KATNIP: variants seen among roughly 807,000 people sequenced by gnomAD.
KATNIP encodes the protein katanin interacting protein, also known as katanin-interacting protein.
KATNIP carries 126 observed loss-of-function variants against 174.0 expected under a neutral mutation model. The ratio of observed to expected loss-of-function variants is 0.72; its 90% CI spans 0.63 to 0.84. KATNIP has a LOEUF of 0.84. Among genes scored for constraint, KATNIP ranks in the 40% least tolerant of loss-of-function variants. The pLI, the probability that KATNIP is intolerant of heterozygous loss-of-function variation, is 0.00. For synonymous variants in KATNIP, 810 were observed against 835.7 expected (o/e 0.97, Z 0.53); for missense variants, 1,958 against 2,109.7 (o/e 0.93, Z 1.41).
chr16:27,653,885 G>T (rs1478782033), intron 6 of KATNIP, among the ~76,000 whole-genome samples: 1 of 151,972 alleles, frequency 6.6e-6, no homozygotes, highest in Non-Finnish European at 1.5e-5. Flanking sequence ...GCCCTGGCTG[G>T]TCTTGAACTC....
chr16:27,730,936 C>T (rs2080653297), intron 14 of KATNIP, among the ~76,000 whole-genome samples: 1 of 152,214 alleles, frequency 6.6e-6, no homozygotes, highest in East Asian at 1.9e-4. Flanking sequence ...CTTTCATCCA[C>T]TGGCTGGAGC....
intron 2 of KATNIP, among the ~76,000 whole-genome samples, chr16:27,592,477 A>G (rs1397199330): frequency 6.6e-6 from 1 of 151,540 alleles, no homozygotes; most frequent in Non-Finnish European, 1.5e-5. Flanking sequence ...AATTAGCTGG[A>G]TGTGGTGGTA....
At chr16:27,586,317 G>A (rs933897307) in intron 2 of KATNIP, among the ~76,000 whole-genome samples, 2 of 151,884 alleles carry the variant, frequency 1.3e-5, no homozygotes, top group African/African-American at 2.4e-5. Flanking sequence ...TTAAAAAGAA[G>A]CTACTGAAGG....
At chr16:27,759,566 G>A (rs1371561773) in intron 18 of KATNIP, among the ~76,000 whole-genome samples, 6 of 152,188 alleles carry the variant, frequency 3.9e-5, no homozygotes, top group Admixed American at 2.0e-4. Context: ...GGGCCTGCTC[G>A]AGTTCCTGAT....
intron 12 of KATNIP, 131 bp downstream of exon 12, chr16:27,704,129 C>T (rs367554377): frequency 4.2e-5 from 29 of 686,798 alleles, no homozygotes; most frequent in African/African-American, 2.0e-4. Context: ...ACCGCCCCCC[C>T]CCTCCCTGGC....
At chr16:27,692,292 A>G (rs2078761201) in intron 8 of KATNIP, among the ~76,000 whole-genome samples, 1 of 152,180 alleles carries the variant, frequency 6.6e-6, no homozygotes, top group South Asian at 2.1e-4. Flanking sequence ...TGATTTTTTC[A>G]ACTGTGCTTT....
intron 6 of KATNIP, among the ~76,000 whole-genome samples, chr16:27,655,921 G>A (rs1597077689): frequency 6.6e-6 from 1 of 152,126 alleles, no homozygotes; most frequent in African/African-American, 2.4e-5. Flanking sequence ...CAGGAGCAAG[G>A]TATTCAGAGG....
At chr16:27,715,641 A>G (rs1046351932) in intron 13 of KATNIP, among the ~76,000 whole-genome samples, 1 of 152,238 alleles carries the variant, frequency 6.6e-6, no homozygotes, top group Non-Finnish European at 1.5e-5. Context: ...CTTTGAATAG[A>G]CATTTCTCCA....
intron 14 of KATNIP, among the ~76,000 whole-genome samples, chr16:27,738,917 C>T (rs1486232356): frequency 1.3e-5 from 2 of 152,112 alleles, no homozygotes; most frequent in Non-Finnish European, 2.9e-5. Flanking sequence ...TGAGGGCAGC[C>T]TTCAACAAGC....
At chr16:27,652,593 G>A (rs2077152224) in intron 6 of KATNIP, among the ~76,000 whole-genome samples, 2 of 152,008 alleles carry the variant, frequency 1.3e-5, no homozygotes, top group Admixed American at 6.6e-5. Context: ...GTGAAGGGTC[G>A]CTTAAGATCA....
intron 19 of KATNIP, among the ~76,000 whole-genome samples, chr16:27,766,090 G>A (rs2082112311): frequency 1.3e-5 from 2 of 151,060 alleles, no homozygotes; most frequent in Admixed American, 1.3e-4. Context: ...TAACAGCATA[G>A]CCTTTTTTTT....
intron 6 of KATNIP, among the ~76,000 whole-genome samples, chr16:27,669,643 C>T (rs2077820685): frequency 6.6e-6 from 1 of 152,184 alleles, no homozygotes; most frequent in African/African-American, 2.4e-5. Flanking sequence ...TGAACGGCTT[C>T]CTCCAGGGAA....
In KATNIP at chr16:27,761,481, G is replaced by C; in HGVS notation, c.3700G>C (p.Val1234Leu). 1 of 1,614,146 alleles carries C rather than the reference G, an allele frequency of 6.2e-7. No homozygotes were observed. Among genetic ancestry groups the C allele is most frequent in the South Asian group, 1.1e-5 (1 of 91,076 alleles). ...CCTGGGGCTCACTGGCCTGGAAGTG[G>C]TGGGCAAGGAGGGCCAGGCGCTGCC... ...HYLGLTGLEV[V>L]GKEGQALPIH... Residue 1234 changes from valine (V) to leucine (L), a missense_variant, in exon 19 of 28, where the codon GTG (valine) becomes CTG (leucine). Val to Leu is a conservative substitution (Grantham distance 32, BLOSUM62 1). Transcript: ENST00000261588.
chr16:27,692,806 G>A (rs761710538), intron 8 of KATNIP, among the ~76,000 whole-genome samples: 8 of 152,126 alleles, frequency 5.3e-5, no homozygotes, highest in Non-Finnish European at 8.8e-5. Flanking sequence ...AAGTGTGCCC[G>A]TTCCTCCGAC....
intron 5 of KATNIP, among the ~76,000 whole-genome samples, chr16:27,642,992 A>G (rs1172802422): frequency 1.3e-5 from 2 of 152,162 alleles, no homozygotes; most frequent in African/African-American, 4.8e-5. Flanking sequence ...CCACAACTAC[A>G]GCCCTTGGGC....
chr16:27,708,979 C>A, intron 13 of KATNIP, 59 bp downstream of exon 13: 3 of 1,383,142 alleles, frequency 2.2e-6, no homozygotes, highest in South Asian at 1.2e-5. Flanking sequence ...ATTTTCTCTG[C>A]CCTTGGTAAA....
At chr16:27,582,294 CAAAAG>C (rs1303609615) in intron 2 of KATNIP, among the ~76,000 whole-genome samples, 1 of 152,010 alleles carries the variant, frequency 6.6e-6, no homozygotes, top group Non-Finnish European at 1.5e-5. Flanking sequence ...AGGAAGAAAA[CAAAAG>C]AAAAGGCAAG....
At chr16:27,563,762 A>G (rs2089977307) in intron 1 of KATNIP, among the ~76,000 whole-genome samples, 1 of 151,880 alleles carries the variant, frequency 6.6e-6, no homozygotes, top group Admixed American at 6.6e-5. Flanking sequence ...GCTGTTGAAA[A>G]AGTTGGTCAC....
At chr16:27,640,924 T>A (rs2076775005) in intron 5 of KATNIP, among the ~76,000 whole-genome samples, 1 of 151,916 alleles carries the variant, frequency 6.6e-6, no homozygotes, top group Admixed American at 6.6e-5. Flanking sequence ...TCACCTGAGG[T>A]CAGGAGTTCG....
Sources: allele counts gnomAD v4.1 joint callset (sites outside exome capture counted in the v4.1 genomes callset), GRCh38; gene constraint gnomAD v4.1.1; transcripts MANE v1.5; gene names NCBI Gene and HGNC (gene_info 2026-07-23, HGNC 2026-07-21).